TRIM44: variants seen among roughly 807,000 people sequenced by gnomAD.
TRIM44 encodes tripartite motif-containing protein 44.
In TRIM44, 13 loss-of-function variants were observed where a neutral mutation model predicts 37.4. The observed-to-expected ratio is 0.35, with a 90% CI of 0.23 to 0.55. The LOEUF is 0.55. Among genes scored for constraint, TRIM44 ranks in the 20% least tolerant of loss-of-function variants. The pLI is 0.89. For missense variants in TRIM44, 426 were observed against 437.2 expected, an observed-to-expected ratio of 0.97 and a Z score of 0.23; for synonymous variants, 175 against 157.2, an observed-to-expected ratio of 1.11 and a Z score of -0.85.
At chr11:35,783,404 T>A (rs1853090222) in intron 4 of TRIM44, among the ~76,000 whole-genome samples, 1 of 152,216 alleles carries the variant, frequency 6.6e-6, no homozygotes, top group African/African-American at 2.4e-5. Context: ...TCTTTTAATT[T>A]ATGTGACCCA....
intron 4 of TRIM44, among the ~76,000 whole-genome samples, chr11:35,806,108 A>G (rs1853444551): frequency 6.6e-6 from 1 of 152,148 alleles, no homozygotes; most frequent in African/African-American, 2.4e-5. Context: ...TGCATTTTAT[A>G]TGTATTCTCT....
chr11:35,733,374 C>T (rs1240898258), intron 3 of TRIM44, among the ~76,000 whole-genome samples: 1 of 152,052 alleles, frequency 6.6e-6, no homozygotes, highest in African/African-American at 2.4e-5. Flanking sequence ...GACAATTAGG[C>T]TTAAACATCC....
At chr11:35,738,504 AAGG>A (rs1003227194) in intron 4 of TRIM44, among the ~76,000 whole-genome samples, 7 of 152,294 alleles carry the variant, frequency 4.6e-5, no homozygotes, top group South Asian at 2.1e-4. Flanking sequence ...ATTTGTCAGA[AAGG>A]AGGAGGAGGA....
chr11:35,793,696 CCAGCTGAATAAAT>C (rs1455398820), intron 4 of TRIM44, among the ~76,000 whole-genome samples: 1 of 152,058 alleles, frequency 6.6e-6, no homozygotes, highest in Non-Finnish European at 1.5e-5. Flanking sequence ...TACCAATAAC[CCAGCTGAATAAAT>C]GCAGCCAGCT....
At chr11:35,679,290 T>A (rs563113636) in intron 1 of TRIM44, among the ~76,000 whole-genome samples, 2 of 152,344 alleles carry the variant, frequency 1.3e-5, no homozygotes, top group East Asian at 3.9e-4. Context: ...CTGATGCCAC[T>A]GCTACCTGCC....
At chr11:35,791,903 G>A (rs952057150) in intron 4 of TRIM44, among the ~76,000 whole-genome samples, 2 of 152,158 alleles carry the variant, frequency 1.3e-5, no homozygotes, top group Admixed American at 1.3e-4. Context: ...ACTGTGAGGT[G>A]AAAGAATAGC....
intron 4 of TRIM44, among the ~76,000 whole-genome samples, chr11:35,779,873 AT>A (rs11440904): frequency 0.023 from 3,140 of 136,480 alleles, 102 homozygotes; most frequent in African/African-American, 0.077. Context: ...CCCTTTGCCT[AT>A]TTTTTTTTTT....
In TRIM44 at chr11:35,816,136, G is replaced by T. The variant is rs1028288800; in HGVS notation, c.*9751G>T. 6.6e-6 allele frequency: 1 copy of T among 151,972 alleles called. No homozygotes were observed. The highest frequency in any genetic ancestry group is 2.4e-5 in the African/African-American group (1 of 41,380). The allele number at this position is 151,972 out of a possible 1,614,324, so 9.4% of individuals were successfully genotyped here. A position where few individuals can be genotyped will look rare whatever the true frequency, so the allele number is the denominator to read the frequency against. ...CTACTCCTCCGCCTCCTATTCTTCC[G>T]GCCTTTCCATCTGGAAACCATGAGC... is the stretch of plus-strand genomic sequence containing the variant. On this transcript the variant is annotated 3_prime_UTR_variant, in exon 5 of 5. Coordinates refer to ENST00000299413, the MANE Select transcript of TRIM44 (RefSeq NM_017583.6).
chr11:35,686,588 G>A (rs145073702), intron 2 of TRIM44, among the ~76,000 whole-genome samples: 1,660 of 151,936 alleles, frequency 0.011, 15 homozygotes, highest in Non-Finnish European at 0.018. Context: ...ACGGAATCTC[G>A]CTCTGATGCC....
chr11:35,789,869 ATCG>A (rs1853181759), intron 4 of TRIM44, among the ~76,000 whole-genome samples: 5 of 151,202 alleles, frequency 3.3e-5, no homozygotes, highest in Non-Finnish European at 5.9e-5. Flanking sequence ...ATTGAAATCA[ATCG>A]TAAATACGAT....
chr11:35,744,868 A>C (rs758782943), intron 4 of TRIM44, among the ~76,000 whole-genome samples: 2 of 151,780 alleles, frequency 1.3e-5, no homozygotes, highest in Non-Finnish European at 2.9e-5. Flanking sequence ...ATGGCTTCCA[A>C]CTCCATCCAT....
intron 3 of TRIM44, among the ~76,000 whole-genome samples, chr11:35,731,779 A>C (rs1423599831): frequency 1.3e-5 from 2 of 152,192 alleles, no homozygotes; most frequent in African/African-American, 2.4e-5. Context: ...ATATTGGAAA[A>C]AGTATGTTCA....
chr11:35,794,162 C>G (rs1161543568), intron 4 of TRIM44, among the ~76,000 whole-genome samples: 6 of 152,154 alleles, frequency 3.9e-5, no homozygotes. Flanking sequence ...CTTCTGGATC[C>G]ATGCCTCAGC....
intron 4 of TRIM44, among the ~76,000 whole-genome samples, chr11:35,760,763 A>G (rs1175644737): frequency 6.6e-6 from 1 of 152,250 alleles, no homozygotes; most frequent in East Asian, 1.9e-4. Context: ...GCTAGTTAAC[A>G]TGCATTATCT....
chr11:35,736,942 C>G (rs908949656), intron 4 of TRIM44, among the ~76,000 whole-genome samples: 1 of 152,124 alleles, frequency 6.6e-6, no homozygotes, highest in Non-Finnish European at 1.5e-5. Flanking sequence ...ATCATGGTGA[C>G]TAAAGCAGGC....
chr11:35,697,523 T>G (rs1279067290), intron 2 of TRIM44, among the ~76,000 whole-genome samples: 1 of 151,440 alleles, frequency 6.6e-6, no homozygotes, highest in Admixed American at 6.6e-5. Context: ...TACATATGTA[T>G]ACATGTGCCA....
chr11:35,796,762 C>A lies in TRIM44; in HGVS notation c.1008-9596C>A, dbSNP rs918118067. Among the ~76,000 whole-genome samples, 3 of 152,288 alleles carry A rather than the reference C, an allele frequency of 2.0e-5. No homozygotes were observed. The South Asian group carries it at 6.2e-4, about 32-fold the overall frequency. On this transcript the variant is annotated intron_variant, in intron 4 of 4. Transcript: ENST00000299413. The stretch of plus-strand genomic sequence containing the variant: ...AAGGCAAAGAAAAGGAAAAACTTAA[C>A]TGGCCCCAGGGCATTTTTCTCTTGA...
chr11:35,807,258 T>A lies in TRIM44; in HGVS notation c.*873T>A, dbSNP rs190141144. On this transcript the variant is annotated 3_prime_UTR_variant, in exon 5 of 5. Coordinates refer to ENST00000299413, the MANE Select transcript of TRIM44 (RefSeq NM_017583.6). The stretch of plus-strand genomic sequence containing the variant: ...GTATATTACCAAATGGGAATTTCCA[T>A]TGTAGGTTTTTGCTAGTCCCACCCC... 6.6e-6 allele frequency: 1 copy of A among 152,192 alleles called. No homozygotes were observed. Among genetic ancestry groups the A allele is most frequent in the Non-Finnish European group, 1.5e-5 (1 of 68,020 alleles). The allele number at this position is 152,192 out of a possible 1,614,324, so 9.4% of individuals were successfully genotyped here. A position where few individuals can be genotyped will look rare whatever the true frequency, so the allele number is the denominator to read the frequency against.
intron 2 of TRIM44, among the ~76,000 whole-genome samples, chr11:35,696,654 C>T (rs1421578284): frequency 6.6e-6 from 1 of 151,430 alleles, no homozygotes; most frequent in Non-Finnish European, 1.5e-5. Flanking sequence ...CAAGATCATC[C>T]TGGCCAACGT....
Sources: gnomAD v4.1 joint callset for allele counts (sites outside exome capture counted in the v4.1 genomes callset) on GRCh38, gnomAD v4.1.1 for gene constraint, MANE v1.5 for transcripts, NCBI Gene and HGNC (gene_info 2026-07-23, HGNC 2026-07-21) for gene names.